The following NFIX variants were observed in gnomAD, a reference collection of about 807,000 sequenced individuals.
NFIX encodes the protein nuclear factor 1 X-type.
Under a neutral mutation model 53.3 loss-of-function variants are expected in NFIX, and 2 were observed. The observed-to-expected ratio is 0.04, with a 90% CI of 0.02 to 0.12. NFIX has a LOEUF of 0.12. Among genes scored for constraint, NFIX ranks in the 10% least tolerant of loss-of-function variants. The probability of loss-of-function intolerance (pLI) is 1.00; values close to 1 mark genes in which losing one functional copy is unlikely to be tolerated. For missense variants in NFIX, 310 were observed against 674.5 expected (o/e 0.46, Z 5.99); for synonymous variants, 244 against 289.0 (o/e 0.84, Z 1.58).
At position 13,073,979 on chromosome 19, in the gene NFIX, C is replaced by T. The variant is rs1458960494; in HGVS notation, c.771C>T (p.Asn257=). Residue 257 remains asparagine, a synonymous_variant, in exon 5 of 11, where the codon AAC becomes AAT. Coordinates refer to ENST00000592199, the MANE Select transcript of NFIX (RefSeq NM_001365902.3). The surrounding 1 kb of genome is among the most constrained non-coding windows in gnomAD (Gnocchi z 4.5). ...AGAGTCCCAGCTACTACAACATCAACCAGGTGACCCTGGGGCGGCGGTCCA... is the reference window on the plus strand; with the variant it reads ...AGAGTCCCAGCTACTACAACATCAATCAGGTGACCCTGGGGCGGCGGTCCA... ...DLESPSYYNI[N]QVTLGRRSIT... is the part of the protein sequence containing the mutation. 4 of 1,614,022 alleles carry T rather than the reference C, an allele frequency of 2.5e-6. No homozygotes were observed. The highest frequency in any genetic ancestry group is 2.5e-6 in the Non-Finnish European group (3 of 1,179,876).
chr19:13,060,872 G>A lies in NFIX; in HGVS notation c.560-12175G>A, dbSNP rs553796142. 2.4e-3 allele frequency among the ~76,000 whole-genome samples: 369 copies of A among 152,266 alleles called. 1 individual carries two copies. Among genetic ancestry groups the A allele is most frequent in the African/African-American group, 8.6e-3 (358 of 41,544 alleles). On this transcript the variant is annotated intron_variant, in intron 2 of 10. Transcript: ENST00000592199. This position sits in a 1 kb window ranked among gnomAD's most constrained non-coding sequence, Gnocchi z 4.3. ...GGCTGCTGCCGCCACTGCAGAGGGCGCTGATTTTTTTTTTCTTCCTGACTT... is the reference window on the plus strand; with the variant it reads ...GGCTGCTGCCGCCACTGCAGAGGGCACTGATTTTTTTTTTCTTCCTGACTT...
intron 2 of NFIX, among the ~76,000 whole-genome samples, chr19:13,047,672 T>C (rs931257751): frequency 6.6e-6 from 1 of 152,106 alleles, no homozygotes; most frequent in Non-Finnish European, 1.5e-5. Context: ...TGTGGAAGCA[T>C]AGGATAAGGA....
chr19:13,020,860 G>A (rs893027175), intron 1 of NFIX, among the ~76,000 whole-genome samples: 1 of 152,026 alleles, frequency 6.6e-6, no homozygotes, highest in African/African-American at 2.4e-5. Flanking sequence ...TTTCCCAGCT[G>A]TGGGACTGTT....
rs2012410428 is a variant in NFIX, at chr19:13,012,458, C to A, written c.28-12563C>A. Among the ~76,000 whole-genome samples the A allele has an allele frequency of 6.6e-6, 1 of 152,112 alleles. No homozygotes were observed. Among genetic ancestry groups the A allele is most frequent in the Non-Finnish European group, 1.5e-5 (1 of 68,006 alleles). On this transcript the variant is annotated intron_variant, in intron 1 of 10. Coordinates refer to ENST00000592199, the MANE Select transcript of NFIX (RefSeq NM_001365902.3). This position sits in a 1 kb window ranked among gnomAD's most constrained non-coding sequence, Gnocchi z 5.0. Reference sequence around the variant, plus strand: ...CCTCACAGTGACCCCCCCGACCCACCCCCCAAAAAGTGACCCCGCGCTGGT... The same window carrying A: ...CCTCACAGTGACCCCCCCGACCCACACCCCAAAAAGTGACCCCGCGCTGGT...
In NFIX at chr19:13,094,773, G is replaced by T; in HGVS notation, c.*124G>T. 9.6e-7 allele frequency: 1 copy of T among 1,042,020 alleles called. No individual in the cohort carries two copies. The highest frequency in any genetic ancestry group is 1.4e-5 in the South Asian group (1 of 69,000). 64.5% of individuals were successfully genotyped at this position (1,042,020 alleles called of 1,614,324 possible). A position where few individuals can be genotyped will look rare whatever the true frequency, so the allele number is the denominator to read the frequency against. Reference sequence around the variant, plus strand: ...CCCCACCGAAAAGCAAAAATTACACGTCGTCAGCCACTCAGCCCTTCTCTC... The same window carrying T: ...CCCCACCGAAAAGCAAAAATTACACTTCGTCAGCCACTCAGCCCTTCTCTC... On this transcript the variant is annotated 3_prime_UTR_variant, in exon 11 of 11. Coordinates refer to ENST00000592199, the MANE Select transcript of NFIX (RefSeq NM_001365902.3). The surrounding 1 kb of genome is among the most constrained non-coding windows in gnomAD (Gnocchi z 4.3).
chr19:13,047,622 C>T (rs1336470067), intron 2 of NFIX, among the ~76,000 whole-genome samples: 1 of 152,130 alleles, frequency 6.6e-6, no homozygotes, highest in Non-Finnish European at 1.5e-5. Context: ...GAGCTCTAGG[C>T]CCCAGAACTG....
intron 1 of NFIX, among the ~76,000 whole-genome samples, chr19:13,019,608 G>A (rs2012851726): frequency 6.7e-6 from 1 of 150,204 alleles, no homozygotes; most frequent in Non-Finnish European, 1.5e-5. Context: ...CTCTTTCTCC[G>A]TGGCCCTTTC....
rs936287873 is a variant in NFIX at position 13,097,815 on chromosome 19, C to A, written c.*3166C>A. The stretch of plus-strand genomic sequence containing the variant: ...TCAGCAAGTTGGTAGTTTCCTCCCC[C>A]CTTTCCCGGCGCCCCTCCCGCCCCC... On this transcript the variant is annotated 3_prime_UTR_variant, in exon 11 of 11. Transcript: ENST00000592199. 1.6e-4 allele frequency: 24 copies of A among 152,248 alleles called. No homozygotes were observed. Among genetic ancestry groups the A allele is most frequent in the Non-Finnish European group, 2.9e-5 (2 of 67,968 alleles). 9.4% of individuals were successfully genotyped at this position (152,248 alleles called of 1,614,324 possible). A position where few individuals can be genotyped will look rare whatever the true frequency, so the allele number is the denominator to read the frequency against.
intron 1 of NFIX, among the ~76,000 whole-genome samples, chr19:13,019,731 G>T (rs10424940): frequency 0.087 from 11,295 of 129,664 alleles, 777 homozygotes; most frequent in African/African-American, 0.21. Flanking sequence ...TTGTTTGTTT[G>T]TTTTTTTTTT....
chr19:13,088,220 C>T lies in NFIX; in HGVS notation c.1402+84C>T, dbSNP rs1025812322. 6.8e-6 allele frequency: 10 copies of T among 1,469,598 alleles called. No homozygotes were observed. The highest frequency in any genetic ancestry group is 6.3e-5 in the Admixed American group (3 of 47,246). The allele number at this position is 1,469,598 out of a possible 1,614,324, so 91.0% of individuals were successfully genotyped here. On this transcript the variant is annotated intron_variant, in intron 9 of 10. Coordinates refer to ENST00000592199, the MANE Select transcript of NFIX (RefSeq NM_001365902.3). The surrounding 1 kb of genome is among the most constrained non-coding windows in gnomAD (Gnocchi z 5.9). ...TCTCCACTGCAAAAAGAAAAGCCTT[C>T]CCCCTCCCCACCACCAAAGCCCCCC...
rs760552139 is a variant in NFIX at position 13,081,747 on chromosome 19, G to A, written c.1146G>A (p.Pro382=). The change falls in exon 8 of 11, where the codon CCG becomes CCA. Residue 382 remains proline, a synonymous_variant. Coordinates refer to ENST00000592199, the MANE Select transcript of NFIX (RefSeq NM_001365902.3). The surrounding 1 kb of genome is among the most constrained non-coding windows in gnomAD (Gnocchi z 4.7). ...CGTCCATCATCCAGCAGTCGAGCCC[G>A]TATTTCACGCACCCGACCATCCGCT... ...PSTSIIQQSS[P]YFTHPTIRYH... 5 of 1,613,914 alleles carry A rather than the reference G, an allele frequency of 3.1e-6. No individual in the cohort carries two copies. The highest frequency in any genetic ancestry group is 4.2e-6 in the Non-Finnish European group (5 of 1,179,888).
rs2011485858 is a variant in NFIX at position 12,996,808 on chromosome 19, G to T, written c.27+944G>T. The stretch of plus-strand genomic sequence containing the variant: ...CGACCTTGGCGCGTTGCTAGAGCGC[G>T]TCCCGCCTGCAGCGAAGTTCCCTGC... On this transcript the variant is annotated intron_variant, in intron 1 of 10. Transcript: ENST00000592199. The surrounding 1 kb of genome is among the most constrained non-coding windows in gnomAD (Gnocchi z 5.2). Among the ~76,000 whole-genome samples the T allele has an allele frequency of 6.6e-6, 1 of 152,268 alleles. No homozygotes were observed. The highest frequency in any genetic ancestry group is 6.5e-5 in the Admixed American group (1 of 15,290).
intron 2 of NFIX, among the ~76,000 whole-genome samples, chr19:13,033,146 T>G (rs1435903293): frequency 6.6e-6 from 1 of 152,154 alleles, no homozygotes. Flanking sequence ...AAGGGCACCG[T>G]GGAAAACAGC....
chr19:13,000,832 G>A (rs941016411), intron 1 of NFIX, among the ~76,000 whole-genome samples: 5 of 152,212 alleles, frequency 3.3e-5, no homozygotes, highest in African/African-American at 7.2e-5. Flanking sequence ...CTGGATCAGG[G>A]CACATTGCGG....
intron 2 of NFIX, among the ~76,000 whole-genome samples, chr19:13,071,638 A>G (rs764278656): frequency 6.6e-6 from 1 of 152,262 alleles, no homozygotes; most frequent in African/African-American, 2.4e-5. Flanking sequence ...TCGCTACAAT[A>G]GTATTTATTT....
chr19:13,073,505 G>A lies in NFIX; in HGVS notation c.697+9G>A. 6.2e-7 allele frequency: 1 copy of A among 1,612,686 alleles called. No individual in the cohort carries two copies. Among genetic ancestry groups the A allele is most frequent in the South Asian group, 1.1e-5 (1 of 91,054 alleles). Reference sequence around the variant, plus strand: ...GGTGAGAGTATCACAGAGTAAGTGAGTCCTTCCTTCCAGGCCAGGGATGGG... The same window carrying A: ...GGTGAGAGTATCACAGAGTAAGTGAATCCTTCCTTCCAGGCCAGGGATGGG... On this transcript the variant is annotated intron_variant, in intron 4 of 10. Coordinates refer to ENST00000592199, the MANE Select transcript of NFIX (RefSeq NM_001365902.3). This position sits in a 1 kb window ranked among gnomAD's most constrained non-coding sequence, Gnocchi z 4.5.
Position 13,049,595 on chromosome 19 carries a change from CTT to C in NFIX, c.560-23437_560-23436del, listed in dbSNP as rs71168649. Among the ~76,000 whole-genome samples, 1,410 of 122,762 alleles carry C rather than the reference CTT, an allele frequency of 0.011. 8 individuals are homozygous for C. The highest frequency in any genetic ancestry group is 0.038 in the South Asian group (145 of 3,844). 80.5% of individuals were successfully genotyped at this position (122,762 alleles called of 152,430 possible). On this transcript the variant is annotated intron_variant, in intron 2 of 10. Coordinates refer to ENST00000592199, the MANE Select transcript of NFIX (RefSeq NM_001365902.3). This position sits in a 1 kb window ranked among gnomAD's most constrained non-coding sequence, Gnocchi z 4.5. Reference sequence around the variant, plus strand: ...TTGTAGCAGCAAGTGTCAGTGGTTCCTTTTTTTTTTTTTTTTGAGACAGAGTC... The same window carrying C: ...TTGTAGCAGCAAGTGTCAGTGGTTCCTTTTTTTTTTTTTTGAGACAGAGTC...
Position 13,090,601 on chromosome 19 carries a change from A to T in NFIX, c.1494+211A>T, listed in dbSNP as rs1175686781. Among the ~76,000 whole-genome samples the T allele has an allele frequency of 6.6e-6, 1 of 152,178 alleles. No homozygotes were observed. The highest frequency in any genetic ancestry group is 1.5e-5 in the Non-Finnish European group (1 of 68,028). On this transcript the variant is annotated intron_variant, in intron 10 of 10. Coordinates refer to ENST00000592199, the MANE Select transcript of NFIX (RefSeq NM_001365902.3). This position sits in a 1 kb window ranked among gnomAD's most constrained non-coding sequence, Gnocchi z 6.6. ...GCTCCCTGGCTAATCAGCTAATTGG[A>T]TAATTAGCTCTGACAGCCCTGGCCC...
At chr19:13,035,577 A>G (rs2014128687) in intron 2 of NFIX, among the ~76,000 whole-genome samples, 1 of 152,064 alleles carries the variant, frequency 6.6e-6, no homozygotes, top group Non-Finnish European at 1.5e-5. Context: ...GGGTCTTAGT[A>G]CTACTCTTTT....
Sources: gnomAD v4.1 joint callset for allele counts (sites outside exome capture counted in the v4.1 genomes callset) on GRCh38, gnomAD v4.1.1 for gene constraint, Gnocchi (gnomAD v3.1) non-coding constraint, MANE v1.5 for transcripts, NCBI Gene and HGNC (gene_info 2026-07-23, HGNC 2026-07-21) for gene names.